The following TMC6 variants were observed in gnomAD, a reference collection of about 807,000 sequenced individuals.
TMC6 encodes the protein transmembrane channel like 6, also known as transmembrane channel-like protein 6.
In TMC6, 71 loss-of-function variants were observed where a neutral mutation model predicts 95.4. That is an observed-to-expected ratio of 0.74 (90% confidence interval 0.61 to 0.91). The LOEUF (loss-of-function observed/expected upper bound fraction) is 0.91. Among genes scored for constraint, TMC6 ranks in the 40% least tolerant of loss-of-function variants. The pLI, the probability that TMC6 is intolerant of heterozygous loss-of-function variation, is 0.00. For missense variants in TMC6, 1,074 were observed against 1,079.1 expected (o/e 1.00, Z 0.07); for synonymous variants, 514 against 483.1 (o/e 1.06, Z -0.84).
chr17:78,124,348 C>A lies in TMC6; in HGVS notation c.892-169G>T, dbSNP rs559807239. 3.0e-6 allele frequency: 4 copies of A among 1,339,578 alleles called. No homozygotes were observed. The African/African-American group carries it at 5.8e-5, about 19-fold the overall frequency. 83.0% of individuals were successfully genotyped at this position (1,339,578 alleles called of 1,614,324 possible). The stretch of plus-strand genomic sequence containing the variant: ...TGGGCCTCCAGCCCCATGGGAACCC[C>A]AGCACGATGAGCATCCAGGGTCATT... On this transcript the variant is annotated intron_variant, in intron 8 of 19. Transcript: ENST00000590602.
intron 13 of TMC6, chr17:78,120,356 TG>T (rs2074350924): frequency 3.8e-5 from 18 of 479,034 alleles, no homozygotes; most frequent in South Asian, 2.7e-4. Context: ...GACGGGGTTT[TG>T]CCATGCTGGC....
At chr17:78,113,256 A>G in intron 19 of TMC6, 45 bp from the exon 20 acceptor site, 2 of 1,535,110 alleles carry the variant, frequency 1.3e-6, no homozygotes, top group Non-Finnish European at 1.8e-6. Context: ...AAACATCAAC[A>G]TCCCTGCAAC....
chr17:78,124,811 G>C (rs1416576070), intron 7 of TMC6, 30 bp from the exon 8 acceptor site: 5 of 1,578,542 alleles, frequency 3.2e-6, no homozygotes, highest in Non-Finnish European at 4.3e-6. Flanking sequence ...GGCCCTGAGG[G>C]TGAGGCCGGA....
At chr17:78,115,925 G>A (rs1157375729) in intron 18 of TMC6, among the ~76,000 whole-genome samples, 6 of 150,908 alleles carry the variant, frequency 4.0e-5, no homozygotes, top group South Asian at 2.1e-4. Context: ...GAAGGGAGTG[G>A]GCACAGGGAC....
At chr17:78,131,160 C>T (rs184878365), upstream of TMC6, 1 of 297,338 alleles carries the variant, frequency 3.4e-6, no homozygotes, top group Non-Finnish European at 6.5e-6. Flanking sequence ...GGAATTGTCT[C>T]TCCTTGGGGT....
intron 18 of TMC6, among the ~76,000 whole-genome samples, chr17:78,115,392 CAGG>C (rs1347420420): frequency 6.6e-6 from 1 of 152,156 alleles, no homozygotes; most frequent in Non-Finnish European, 1.5e-5. Flanking sequence ...TGAAAACCTG[CAGG>C]AGGACAAATG....
At chr17:78,125,071 C>T in intron 6 of TMC6, 86 bp from the exon 7 acceptor site, 2 of 1,539,582 alleles carry the variant, frequency 1.3e-6, no homozygotes, top group Admixed American at 2.0e-5. Context: ...ACGGGCTCAG[C>T]CCCTTCTCCC....
At position 78,113,636 on chromosome 17, in the gene TMC6, A is replaced by G; in HGVS notation, c.2278-12T>C. ...TTGTCCTCACCCTCCTAGAAAGGCC[A>G]GAACACAAAGGGGAGGAGAAATCAT... On this transcript the variant is annotated splice_polypyrimidine_tract_variant and intron_variant, in intron 18 of 19. Coordinates refer to ENST00000590602, the MANE Select transcript of TMC6 (RefSeq NM_001127198.5). 4 of 1,613,116 alleles carry G rather than the reference A, an allele frequency of 2.5e-6. No individual in the cohort carries two copies. Among genetic ancestry groups the G allele is most frequent in the Non-Finnish European group, 2.5e-6 (3 of 1,179,906 alleles).
At position 78,108,264 on chromosome 17, in the gene TMC6, C is replaced by G. The variant is rs2073742749; in HGVS notation, c.*4884G>C. The G allele has an allele frequency of 6.5e-6, 1 of 154,490 alleles. No individual in the cohort carries two copies. The highest frequency in any genetic ancestry group is 2.4e-5 in the African/African-American group (1 of 41,524). 9.6% of individuals were successfully genotyped at this position (154,490 alleles called of 1,614,324 possible). ...CGCCACAGGCTGGCCCCCCCCCACCCATGGGGAAGGTGGTGTGCTGCTGGC... is the reference window on the plus strand; with the variant it reads ...CGCCACAGGCTGGCCCCCCCCCACCGATGGGGAAGGTGGTGTGCTGCTGGC... On this transcript the variant is annotated 3_prime_UTR_variant, in exon 20 of 20. Transcript: ENST00000590602.
At chr17:78,123,822 T>C (rs1006349900) in intron 9 of TMC6, among the ~76,000 whole-genome samples, 167 bp downstream of exon 9, 1 of 151,480 alleles carries the variant, frequency 6.6e-6, no homozygotes, top group Non-Finnish European at 1.5e-5. Flanking sequence ...GGTAGATGGA[T>C]GGGTAGATGG....
At position 78,119,327 on chromosome 17, in the gene TMC6, A is replaced by C. The variant is rs758657263; in HGVS notation, c.1781T>G (p.Leu594Arg). ...KPEFDIARNVLELIYGQTLTW... is the reference protein window; with the variant it reads ...KPEFDIARNVRELIYGQTLTW... ...CAGAGTCTGCCCATAAATCAGCTCC[A>C]GGACATTCCGGGCAATGTCAAACTC... Residue 594 changes from leucine (L) to arginine (R), a missense_variant, in exon 14 of 20, where the codon CTG becomes CGG. By Grantham distance (102) the Leu-to-Arg change is moderately radical. Transcript: ENST00000590602. 1 of 1,614,096 alleles carries C rather than the reference A, an allele frequency of 6.2e-7. No homozygotes were observed. Among genetic ancestry groups the C allele is most frequent in the Non-Finnish European group, 8.5e-7 (1 of 1,180,024 alleles).
Position 78,124,569 on chromosome 17 carries a change from C to T in TMC6, c.846G>A (p.Pro282=), listed in dbSNP as rs375656448. 1.0e-4 allele frequency: 168 copies of T among 1,612,088 alleles called. No homozygotes were observed. In the African/African-American group the frequency reaches 1.8e-3, roughly 18 times the overall value. ...GGCCTGTGCAGACGGGGGCAGGGCC[C>T]GGCAGGGCGGGTGGGAAGGCGACCT... ...GPQVAFPPAL[P]GPAPVCTGLE... Residue 282 remains proline, a synonymous_variant, in exon 8 of 20, where the codon CCG becomes CCA. Coordinates refer to ENST00000590602, the MANE Select transcript of TMC6 (RefSeq NM_001127198.5).
Position 78,126,779 on chromosome 17 carries a change from C to T in TMC6, c.54G>A (p.Gln18=). 6.2e-7 allele frequency: 1 copy of T among 1,613,288 alleles called. No individual in the cohort carries two copies. The highest frequency in any genetic ancestry group is 8.5e-7 in the Non-Finnish European group (1 of 1,179,932). ...ILDVPETPGD[Q]GQGPSPYDES... ...GCCCCCAGCCCCAGAGCGCTTACCC[C>T]TGGTCCCCTGGGGTCTCAGGGACAT... Residue 18 remains glutamine, a splice_region_variant and synonymous_variant, in exon 2 of 20, where the codon CAG becomes CAA. Transcript: ENST00000590602.
chr17:78,120,052 G>A (rs140277109), intron 13 of TMC6: 105 of 383,076 alleles, frequency 2.7e-4, no homozygotes, highest in African/African-American at 1.4e-3. Context: ...AACCCACAGC[G>A]GAATACCTGG....
chr17:78,126,953 C>T, intron 1 of TMC6, 47 bp from the exon 2 acceptor site: 12 of 1,139,400 alleles, frequency 1.1e-5, no homozygotes, highest in Non-Finnish European at 1.5e-5. Flanking sequence ...CAACGCCTGG[C>T]AGCTGTCCAC....
chr17:78,118,916 C>T (rs1481561006), intron 15 of TMC6, 55 bp downstream of exon 15: 9 of 1,539,880 alleles, frequency 5.8e-6, no homozygotes, highest in Non-Finnish European at 7.0e-6. Flanking sequence ...TGAGTCCTGC[C>T]CCCACTGCCG....
upstream of TMC6, chr17:78,131,620 G>T: frequency 1.3e-6 from 2 of 1,550,838 alleles, no homozygotes; most frequent in Non-Finnish European, 8.7e-7. Flanking sequence ...TCATCGGAGC[G>T]GGCCCCTGGG....
chr17:78,124,085 G>A lies in TMC6; in HGVS notation c.986C>T (p.Thr329Ile), dbSNP rs143662903. 335 of 1,613,442 alleles carry A rather than the reference G, an allele frequency of 2.1e-4. No individual in the cohort carries two copies. In the African/African-American group the frequency reaches 3.9e-3, roughly 19 times the overall value. The change falls in exon 9 of 20, where the codon ACA becomes ATA. Residue 329 changes from threonine to isoleucine, a missense_variant. Transcript: ENST00000590602. ...CGSPLDGSQCTPRVGGLPYNM... is the reference protein window; with the variant it reads ...CGSPLDGSQCIPRVGGLPYNM... Reference sequence around the variant, plus strand: ...GTAGGGCAGGCCACCCACCCTGGGTGTGCACTGGCTGCCATCCAGGGGGCT... The same window carrying A: ...GTAGGGCAGGCCACCCACCCTGGGTATGCACTGGCTGCCATCCAGGGGGCT...
At position 78,124,641 on chromosome 17, in the gene TMC6, G is replaced by A. The variant is rs756800994; in HGVS notation, c.774C>T (p.Phe258=). ...CCAGCAGCAGCAGCAGGAGGGCATT[G>A]AAAGCCAGCAGGGTCTTGAGAAAGA... The part of the protein sequence containing the change: ...YFLFLKTLLA[F]NALLLLLLVA... Residue 258 remains phenylalanine, a synonymous_variant, in exon 8 of 20, where the codon TTC becomes TTT. Coordinates refer to ENST00000590602, the MANE Select transcript of TMC6 (RefSeq NM_001127198.5). 1.2e-6 allele frequency: 2 copies of A among 1,611,992 alleles called. No individual in the cohort carries two copies. The highest frequency in any genetic ancestry group is 1.7e-6 in the Non-Finnish European group (2 of 1,179,614).
Sources: gnomAD v4.1 joint callset for allele counts (sites outside exome capture counted in the v4.1 genomes callset) on GRCh38, gnomAD v4.1.1 for gene constraint, MANE v1.5 for transcripts, NCBI Gene and HGNC (gene_info 2026-07-23, HGNC 2026-07-21) for gene names.